The following LMTK2 variants were observed in gnomAD, a reference collection of about 807,000 sequenced individuals.
LMTK2 encodes the protein lemur tail kinase 2.
LMTK2 carries 37 observed loss-of-function variants against 127.5 expected under a neutral mutation model. That is an observed-to-expected ratio of 0.29 (90% confidence interval 0.22 to 0.38). LMTK2 has a LOEUF of 0.38. LMTK2 is among the 10% of genes least tolerant of loss of function. LMTK2 has a pLI of 1.00. For missense variants in LMTK2, 1,694 were observed against 1,920.3 expected, an observed-to-expected ratio of 0.88 and a Z score of 2.20; for synonymous variants, 819 against 810.1, an observed-to-expected ratio of 1.01 and a Z score of -0.19.
chr7:98,198,002 T>C (rs940606944), intron 11 of LMTK2, among the ~76,000 whole-genome samples: 4 of 152,228 alleles, frequency 2.6e-5, no homozygotes, highest in African/African-American at 9.6e-5. Flanking sequence ...TATTTCCTTC[T>C]CTGATAGTGT....
Position 98,193,393 on chromosome 7 carries a change from C to T in LMTK2, c.2928C>T (p.Asp976=), listed in dbSNP as rs745853661. ...TCTCCTCGGACTCAACCAGTCAGGA[C>T]AGCCTCCTGGAGGACAGCTTGTCAG... The part of the protein sequence containing the change: ...SALSSDSTSQ[D]SLLEDSLSAP... Residue 976 remains aspartate, a synonymous_variant, in exon 11 of 14, where the codon GAC becomes GAT. Coordinates refer to ENST00000297293, the MANE Select transcript of LMTK2 (RefSeq NM_014916.4). This position sits in a 1 kb window ranked among gnomAD's most constrained non-coding sequence, Gnocchi z 4.1. 1 of 1,614,196 alleles carries T rather than the reference C, an allele frequency of 6.2e-7. No homozygotes were observed. The highest frequency in any genetic ancestry group is 8.5e-7 in the Non-Finnish European group (1 of 1,180,040).
In LMTK2 at chr7:98,162,279, T is replaced by C. The variant is rs188772731; in HGVS notation, c.657+2854T>C. 7.1e-3 allele frequency among the ~76,000 whole-genome samples: 1,085 copies of C among 152,344 alleles called. 6 individuals carry two copies. Among genetic ancestry groups the C allele is most frequent in the Non-Finnish European group, 0.012 (803 of 68,032 alleles). The stretch of plus-strand genomic sequence containing the variant: ...CTTTATGTTACCATAAATGACCCAG[T>C]GTTGATCTAGAGTATTTCTGTATCT... On this transcript the variant is annotated intron_variant, in intron 6 of 13. Transcript: ENST00000297293.
chr7:98,202,326 G>C (rs1797715913), intron 11 of LMTK2, among the ~76,000 whole-genome samples: 1 of 152,070 alleles, frequency 6.6e-6, no homozygotes, highest in African/African-American at 2.4e-5. Flanking sequence ...CCCTATTTCT[G>C]TTCATGGTAA....
chr7:98,180,038 C>A (rs192111468), intron 7 of LMTK2, among the ~76,000 whole-genome samples: 361 of 152,314 alleles, frequency 2.4e-3, no homozygotes, highest in Non-Finnish European at 3.4e-3. Flanking sequence ...AATAATAGTA[C>A]CCACCTCACA....
intron 9 of LMTK2, among the ~76,000 whole-genome samples, chr7:98,188,323 G>A (rs1012007241): frequency 2.0e-5 from 3 of 151,816 alleles, no homozygotes; most frequent in African/African-American, 7.3e-5. Context: ...TTTTCATGTT[G>A]ATGGTTATCC....
Position 98,192,153 on chromosome 7 carries a change from T to C in LMTK2, c.1688T>C (p.Leu563Ser). Residue 563 changes from leucine (L) to serine (S), a missense_variant, in exon 11 of 14, where the codon TTG becomes TCG. Physicochemically the swap from Leu to Ser is moderately radical, Grantham distance 145. Coordinates refer to ENST00000297293, the MANE Select transcript of LMTK2 (RefSeq NM_014916.4). ...TTAGAAGAAAAAAGTGGTAGTAACT[T>C]GGAGCTTGATTACCCACCAGCGCTG... Reference protein sequence around the residue: ...IQLEEKSGSNLELDYPPALLT... With the variant: ...IQLEEKSGSNSELDYPPALLT... The C allele has an allele frequency of 6.5e-7, 1 of 1,529,720 alleles. No homozygotes were observed. The highest frequency in any genetic ancestry group is 8.8e-7 in the Non-Finnish European group (1 of 1,141,562). The allele number at this position is 1,529,720 out of a possible 1,614,324, so 94.8% of individuals were successfully genotyped here.
intron 1 of LMTK2, among the ~76,000 whole-genome samples, chr7:98,109,968 G>C (rs1462797832): frequency 1.3e-5 from 2 of 152,120 alleles, no homozygotes; most frequent in African/African-American, 4.8e-5. Flanking sequence ...GTAGATAAAA[G>C]AGCAGTTACA....
At position 98,171,210 on chromosome 7, in the gene LMTK2, A is replaced by T. The variant is rs888572944; in HGVS notation, c.658-331A>T. ...GGCAGTGTGAGTGGCACCATTTCTTACACTCTCCGTGTCATCTCCTAGGTA... is the reference window on the plus strand; with the variant it reads ...GGCAGTGTGAGTGGCACCATTTCTTTCACTCTCCGTGTCATCTCCTAGGTA... On this transcript the variant is annotated intron_variant, in intron 6 of 13. Coordinates refer to ENST00000297293, the MANE Select transcript of LMTK2 (RefSeq NM_014916.4). This position sits in a 1 kb window ranked among gnomAD's most constrained non-coding sequence, Gnocchi z 5.1. Among the ~76,000 whole-genome samples the T allele has an allele frequency of 6.6e-6, 1 of 152,068 alleles. No individual in the cohort carries two copies. Among genetic ancestry groups the T allele is most frequent in the African/African-American group, 2.4e-5 (1 of 41,398 alleles).
At position 98,194,167 on chromosome 7, in the gene LMTK2, A is replaced by G. The variant is rs1797588637; in HGVS notation, c.3702A>G (p.Glu1234=). ...TLASTGTNTN[E]LLAYTNSALD... is the part of the protein sequence containing the mutation. ...CTTCCACGGGGACCAACACGAACGA[A>G]CTCCTTGCCTACACCAATTCTGCGC... is the stretch of plus-strand genomic sequence containing the variant. The change falls in exon 11 of 14, where the codon GAA becomes GAG. Residue 1234 remains glutamate (E), a synonymous_variant. Coordinates refer to ENST00000297293, the MANE Select transcript of LMTK2 (RefSeq NM_014916.4). This position sits in a 1 kb window ranked among gnomAD's most constrained non-coding sequence, Gnocchi z 5.4. The G allele has an allele frequency of 6.2e-7, 1 of 1,613,546 alleles. No homozygotes were observed. Among genetic ancestry groups the G allele is most frequent in the East Asian group, 2.2e-5 (1 of 44,846 alleles).
chr7:98,116,503 A>G (rs979532080), intron 1 of LMTK2, among the ~76,000 whole-genome samples: 4 of 151,222 alleles, frequency 2.6e-5, no homozygotes, highest in African/African-American at 9.7e-5. Context: ...TCTCTTGCGG[A>G]CTTGACTTCC....
chr7:98,138,454 CAG>C (rs1446845843), intron 2 of LMTK2, among the ~76,000 whole-genome samples: 1 of 152,170 alleles, frequency 6.6e-6, no homozygotes, highest in African/African-American at 2.4e-5. Context: ...CGTATACACA[CAG>C]AGGGCTGAGA....
intron 1 of LMTK2, among the ~76,000 whole-genome samples, chr7:98,110,470 C>G (rs982791655): frequency 6.6e-6 from 1 of 152,012 alleles, no homozygotes; most frequent in African/African-American, 2.4e-5. Flanking sequence ...ACTTGTTGGT[C>G]CTCTCTAGGA....
chr7:98,117,116 TC>T (rs1796298496), intron 1 of LMTK2, among the ~76,000 whole-genome samples: 3 of 152,234 alleles, frequency 2.0e-5, no homozygotes, highest in African/African-American at 7.2e-5. Context: ...TGTCCTCCCC[TC>T]CCCATGGTGT....
chr7:98,157,295 AGG>A (rs1361690653), intron 5 of LMTK2, among the ~76,000 whole-genome samples: 59 of 134,166 alleles, frequency 4.4e-4, no homozygotes, highest in African/African-American at 1.4e-3. Context: ...GTAGGTAGGT[AGG>A]TAGATTATAG....
At chr7:98,174,854 G>A (rs971468750) in intron 7 of LMTK2, among the ~76,000 whole-genome samples, 11 of 152,186 alleles carry the variant, frequency 7.2e-5, no homozygotes, top group African/African-American at 2.7e-4. Flanking sequence ...GTGAGAGACA[G>A]AGAAATACAT....
chr7:98,192,064 C>G lies in LMTK2; in HGVS notation c.1599C>G (p.Val533=). The G allele has an allele frequency of 6.3e-7, 1 of 1,586,232 alleles. No homozygotes were observed. Among genetic ancestry groups the G allele is most frequent in the Non-Finnish European group, 8.6e-7 (1 of 1,165,096 alleles). ...GCGGCCAGGATGTCCCCCTGAGGGTCCCTGGAGTGGTTCCTGTTTTTGATG... is the reference window on the plus strand; with the variant it reads ...GCGGCCAGGATGTCCCCCTGAGGGTGCCTGGAGTGGTTCCTGTTTTTGATG... ...DDSGQDVPLR[V]PGVVPVFDAH... is the part of the protein sequence containing the mutation. Residue 533 remains valine (V), a synonymous_variant, in exon 11 of 14, where the codon GTC becomes GTG. Coordinates refer to ENST00000297293, the MANE Select transcript of LMTK2 (RefSeq NM_014916.4).
chr7:98,182,983 G>A (rs976419759), intron 7 of LMTK2, among the ~76,000 whole-genome samples: 2 of 152,182 alleles, frequency 1.3e-5, no homozygotes, highest in African/African-American at 4.8e-5. Context: ...CAACTGACCA[G>A]CATTAACATT....
chr7:98,193,206 T>C lies in LMTK2; in HGVS notation c.2741T>C (p.Val914Ala). 1 of 1,613,690 alleles carries C rather than the reference T, an allele frequency of 6.2e-7. No individual in the cohort carries two copies. The change falls in exon 11 of 14, where the codon GTA becomes GCA. Residue 914 changes from valine (V) to alanine (A), a missense_variant. Coordinates refer to ENST00000297293, the MANE Select transcript of LMTK2 (RefSeq NM_014916.4). The surrounding 1 kb of genome is among the most constrained non-coding windows in gnomAD (Gnocchi z 4.1). ...ADDILASRVS[V>A]GSSLPELGQE... Reference sequence around the variant, plus strand: ...GACATCCTTGCCAGCAGGGTGAGTGTAGGGAGTAGTCTCCCGGAACTGGGA... The same window carrying C: ...GACATCCTTGCCAGCAGGGTGAGTGCAGGGAGTAGTCTCCCGGAACTGGGA...
chr7:98,114,386 G>A (rs1247059242), intron 1 of LMTK2, among the ~76,000 whole-genome samples: 2 of 151,420 alleles, frequency 1.3e-5, no homozygotes, highest in African/African-American at 2.4e-5. Flanking sequence ...ACTACAGGTG[G>A]ATACCACCAT....
Sources: gnomAD v4.1 joint callset for allele counts (sites outside exome capture counted in the v4.1 genomes callset) on GRCh38, gnomAD v4.1.1 for gene constraint, Gnocchi (gnomAD v3.1) non-coding constraint, MANE v1.5 for transcripts, NCBI Gene and HGNC (gene_info 2026-07-23, HGNC 2026-07-21) for gene names.